The following MRPL3 variants were observed in gnomAD, a reference collection of about 807,000 sequenced individuals.
The protein encoded by MRPL3 is mitochondrial ribosomal protein L3.
A neutral mutation model predicts 44.3 loss-of-function variants in MRPL3; 43 were observed. The observed-to-expected ratio is 0.97, with a 90% CI of 0.76 to 1.25. The LOEUF (loss-of-function observed/expected upper bound fraction) is 1.25, where lower values mean the gene tolerates loss of function less well. Among genes scored for constraint, MRPL3 ranks in the 50% most tolerant of loss-of-function variants. MRPL3 has a pLI of 0.00. For missense variants in MRPL3, 406 were observed against 427.6 expected, an observed-to-expected ratio of 0.95 and a Z score of 0.45; for synonymous variants, 171 against 152.3, an observed-to-expected ratio of 1.12 and a Z score of -0.91.
rs1934219328 is a variant in MRPL3, at chr3:131,490,041, A to G, written c.508T>C (p.Leu170=). The G allele has an allele frequency of 1.2e-6, 2 of 1,612,016 alleles. No individual in the cohort carries two copies. Among genetic ancestry groups the G allele is most frequent in the Non-Finnish European group, 8.5e-7 (1 of 1,178,426 alleles). ...SILEFYRELG[L]PPKQTVKIFN... ...ATTTTAACTGTCTGTTTCGGCGGCA[A>G]TCCAAGTTCCCGGTAAAATTCCAAT... The change falls in exon 5 of 10, where the codon TTG becomes CTG. Residue 170 remains leucine, a synonymous_variant. Coordinates refer to ENST00000264995, the MANE Select transcript of MRPL3 (RefSeq NM_007208.4).
At chr3:131,488,402 T>A (rs1934177952) in intron 5 of MRPL3, among the ~76,000 whole-genome samples, 1 of 152,202 alleles carries the variant, frequency 6.6e-6, no homozygotes, top group Admixed American at 6.5e-5. Context: ...TGGGAAATGT[T>A]ATTTTAAAAA....
intron 3 of MRPL3, among the ~76,000 whole-genome samples, chr3:131,499,069 A>C (rs1286180975): frequency 1.3e-5 from 2 of 152,140 alleles, no homozygotes; most frequent in Non-Finnish European, 2.9e-5. Flanking sequence ...TATGGTAACT[A>C]TTTACTTTTC....
intron 6 of MRPL3, chr3:131,479,202 A>G (rs1582708215): frequency 1.9e-6 from 1 of 519,016 alleles, no homozygotes; most frequent in Non-Finnish European, 3.8e-6. Context: ...CCTGGACATG[A>G]GCACAGTCAG....
At chr3:131,480,348 C>A (rs1559821065) in intron 6 of MRPL3, among the ~76,000 whole-genome samples, 1 of 152,166 alleles carries the variant, frequency 6.6e-6, no homozygotes, top group Non-Finnish European at 1.5e-5. Context: ...GTGGAATTTT[C>A]CAGTTGCTTG....
intron 6 of MRPL3, chr3:131,479,254 T>A (rs1192500108): frequency 5.9e-6 from 3 of 509,714 alleles, no homozygotes; most frequent in Non-Finnish European, 1.2e-5. Context: ...GTTTTCACTT[T>A]CTCTCTTTAT....
intron 6 of MRPL3, among the ~76,000 whole-genome samples, chr3:131,478,479 T>C (rs1211161694): frequency 3.3e-5 from 5 of 152,106 alleles, no homozygotes; most frequent in Admixed American, 6.5e-5. Context: ...TAGCTTAGAA[T>C]ATATAAGGTT....
At chr3:131,491,260 T>C (rs1252657191) in intron 4 of MRPL3, among the ~76,000 whole-genome samples, 1 of 152,130 alleles carries the variant, frequency 6.6e-6, no homozygotes, top group Non-Finnish European at 1.5e-5. Context: ...ACCAAGGATC[T>C]CCATACGGTC....
chr3:131,499,894 T>TA (rs1934455913), intron 3 of MRPL3, among the ~76,000 whole-genome samples: 1 of 152,236 alleles, frequency 6.6e-6, no homozygotes. Flanking sequence ...TTTTACAGAA[T>TA]AGAGTATCTT....
chr3:131,481,618 T>C (rs571113498), intron 6 of MRPL3, among the ~76,000 whole-genome samples: 1 of 152,326 alleles, frequency 6.6e-6, no homozygotes, highest in African/African-American at 2.4e-5. Flanking sequence ...AGTAAAAACA[T>C]GCTGCTTTGT....
chr3:131,471,130 G>T, intron 7 of MRPL3, 41 bp downstream of exon 7: 3 of 1,372,248 alleles, frequency 2.2e-6, no homozygotes, highest in East Asian at 2.3e-5. Context: ...TGCAGAAGTT[G>T]AATATTTAGC....
At chr3:131,482,723 A>G (rs1416813785) in intron 6 of MRPL3, among the ~76,000 whole-genome samples, 1 of 150,986 alleles carries the variant, frequency 6.6e-6, no homozygotes, top group Non-Finnish European at 1.5e-5. Flanking sequence ...AAAACATTTT[A>G]AGTACCTGAA....
At position 131,462,816 on chromosome 3, in the gene MRPL3, T is replaced by A. The variant is rs755437627; in HGVS notation, c.954A>T (p.Thr318=). The A allele has an allele frequency of 1.4e-5, 22 of 1,612,902 alleles. No homozygotes were observed. Among genetic ancestry groups the A allele is most frequent in the Non-Finnish European group, 1.7e-5 (20 of 1,179,328 alleles). Reference sequence around the variant, plus strand: ...CCTCTTCATCTCCATCAGGAAAATATGTAGGGAATGGTAGATTTTTACCGA... The same window carrying A: ...CCTCTTCATCTCCATCAGGAAAATAAGTAGGGAATGGTAGATTTTTACCGA... ...KDLGKNLPFP[T]YFPDGDEEEL... is the part of the protein sequence containing the mutation. Residue 318 remains threonine (T), a synonymous_variant, in exon 10 of 10, where the codon ACA becomes ACT. Transcript: ENST00000264995.
intron 5 of MRPL3, chr3:131,488,732 G>GT (rs1357583114): frequency 6.6e-6 from 1 of 152,008 alleles, no homozygotes; most frequent in African/African-American, 2.4e-5. Flanking sequence ...GCAAAGTGCT[G>GT]TAAGATTGCA....
chr3:131,498,499 G>A (rs1218559865), intron 3 of MRPL3, among the ~76,000 whole-genome samples: 2 of 151,104 alleles, frequency 1.3e-5, no homozygotes, highest in Non-Finnish European at 2.9e-5. Flanking sequence ...TCAGGAGATC[G>A]AGACCATCCT....
intron 6 of MRPL3, 147 bp downstream of exon 6, chr3:131,487,533 G>T: frequency 1.5e-6 from 1 of 667,560 alleles, no homozygotes; most frequent in Non-Finnish European, 2.6e-6. Context: ...AAAAACCAGT[G>T]TAGGTAACAT....
At chr3:131,499,020 A>C (rs1216563069) in intron 3 of MRPL3, among the ~76,000 whole-genome samples, 1 of 152,218 alleles carries the variant, frequency 6.6e-6, no homozygotes, top group Non-Finnish European at 1.5e-5. Flanking sequence ...GGTTCACTAA[A>C]GTTTGAGAAG....
At chr3:131,470,027 G>A (rs989999016) in intron 7 of MRPL3, among the ~76,000 whole-genome samples, 7 of 151,774 alleles carry the variant, frequency 4.6e-5, no homozygotes, top group South Asian at 2.1e-4. Flanking sequence ...CAGCAACAAC[G>A]GACCTAATAC....
At chr3:131,498,976 C>T (rs1934433650) in intron 3 of MRPL3, among the ~76,000 whole-genome samples, 1 of 152,144 alleles carries the variant, frequency 6.6e-6, no homozygotes, top group African/African-American at 2.4e-5. Flanking sequence ...GAATCAGAAT[C>T]TTTGTGTTTT....
At chr3:131,491,713 C>A (rs936628513) in intron 4 of MRPL3, among the ~76,000 whole-genome samples, 1 of 152,080 alleles carries the variant, frequency 6.6e-6, no homozygotes, top group Non-Finnish European at 1.5e-5. Flanking sequence ...CCACGCCAAC[C>A]ACTTACCACC....
Sources: gnomAD v4.1 joint callset for allele counts (sites outside exome capture counted in the v4.1 genomes callset) on GRCh38, gnomAD v4.1.1 for gene constraint, MANE v1.5 for transcripts, NCBI Gene and HGNC (gene_info 2026-07-23, HGNC 2026-07-21) for gene names.